The following SDK2 variants were observed in gnomAD, a reference collection of about 807,000 sequenced individuals.
SDK2 encodes sidekick cell adhesion molecule 2.
A neutral mutation model predicts 253.9 loss-of-function variants in SDK2; 105 were observed. That is an observed-to-expected ratio of 0.41 (90% CI 0.35 to 0.49). SDK2 has a LOEUF of 0.49. Among genes scored for constraint, SDK2 ranks in the 20% least tolerant of loss-of-function variants. The pLI is 0.06. For synonymous variants in SDK2, 1,249 were observed against 1,234.9 expected (o/e 1.01, Z -0.24); for missense variants, 2,608 against 3,003.0 (o/e 0.87, Z 3.07).
At chr17:73,590,909 ATTTG>A (rs2045672472) in intron 1 of SDK2, among the ~76,000 whole-genome samples, 1 of 151,876 alleles carries the variant, frequency 6.6e-6, no homozygotes, top group Admixed American at 6.6e-5. Flanking sequence ...TGAACTATTT[ATTTG>A]TTTATGTTTA....
At chr17:73,568,564 C>CA (rs774666643) in intron 1 of SDK2, among the ~76,000 whole-genome samples, 4 of 152,076 alleles carry the variant, frequency 2.6e-5, no homozygotes, top group Non-Finnish European at 2.9e-5. Flanking sequence ...AAAAAATACC[C>CA]ACCCTGAAGA....
In SDK2 at chr17:73,379,438, C is replaced by T. The variant is rs555332435; in HGVS notation, c.4864+10G>A. 71 of 1,590,396 alleles carry T rather than the reference C, an allele frequency of 4.5e-5. No homozygotes were observed. In the East Asian group the frequency reaches 4.9e-4, roughly 11 times the overall value. On this transcript the variant is annotated intron_variant, in intron 35 of 44. Transcript: ENST00000392650. This position sits in a 1 kb window ranked among gnomAD's most constrained non-coding sequence, Gnocchi z 4.5. ...GCATGCTGGGGCCGGACAGGGCGGG[C>T]GCTGCTCACCTGCCTCCCCAACAAA... is the stretch of plus-strand genomic sequence containing the variant.
chr17:73,610,493 G>C (rs142393650), intron 1 of SDK2, among the ~76,000 whole-genome samples: 2 of 152,178 alleles, frequency 1.3e-5, no homozygotes, highest in Non-Finnish European at 2.9e-5. Flanking sequence ...CATGCATGAC[G>C]CTTGGTATCT....
At chr17:73,433,114 C>CGCTATATGCATA (rs2063340711) in intron 10 of SDK2, among the ~76,000 whole-genome samples, 1 of 144,284 alleles carries the variant, frequency 6.9e-6, no homozygotes, top group Admixed American at 7.0e-5. Flanking sequence ...AGGACCCTCA[C>CGCTATATGCATA]ATGCACGCTA....
At position 73,620,715 on chromosome 17, in the gene SDK2, C is replaced by T. The variant is rs574228368; in HGVS notation, c.64+23310G>A. Reference sequence around the variant, plus strand: ...TGAAGTACTGCTACAAGCTTCAACACGGATGGACCTTGAAAACATTATGCT... The same window carrying T: ...TGAAGTACTGCTACAAGCTTCAACATGGATGGACCTTGAAAACATTATGCT... On this transcript the variant is annotated intron_variant, in intron 1 of 44. Transcript: ENST00000392650. Among the ~76,000 whole-genome samples, 29 of 152,310 alleles carry T rather than the reference C, an allele frequency of 1.9e-4. No individual in the cohort carries two copies. In the South Asian group the frequency reaches 4.4e-3, roughly 23 times the overall value.
chr17:73,607,632 G>T (rs539965337), intron 1 of SDK2, among the ~76,000 whole-genome samples: 1 of 152,242 alleles, frequency 6.6e-6, no homozygotes, highest in African/African-American at 2.4e-5. Context: ...GTCACCTGGG[G>T]TGCAGCATTG....
intron 38 of SDK2, among the ~76,000 whole-genome samples, chr17:73,363,993 C>G (rs1354814879): frequency 6.6e-6 from 1 of 151,942 alleles, no homozygotes; most frequent in Non-Finnish European, 1.5e-5. Flanking sequence ...CTAGGCTCAC[C>G]GAGAACTGCT....
chr17:73,453,705 C>T (rs2063504296), intron 4 of SDK2, among the ~76,000 whole-genome samples: 1 of 152,160 alleles, frequency 6.6e-6, no homozygotes, highest in African/African-American at 2.4e-5. Flanking sequence ...CGCAGCATAT[C>T]TGTGGCTGTG....
chr17:73,381,131 G>C (rs1049489024), intron 33 of SDK2, among the ~76,000 whole-genome samples, 181 bp from the exon 34 acceptor site: 1 of 152,212 alleles, frequency 6.6e-6, no homozygotes, highest in Non-Finnish European at 1.5e-5. Context: ...ACAGGGTTGT[G>C]GGGGCAGGGG....
chr17:73,419,110 T>C lies in SDK2; in HGVS notation c.2186+56A>G, dbSNP rs555092431. 8.8e-6 allele frequency: 14 copies of C among 1,583,074 alleles called. No individual in the cohort carries two copies. In the African/African-American group the frequency reaches 1.7e-4, roughly 20 times the overall value. On this transcript the variant is annotated intron_variant, in intron 16 of 44. Transcript: ENST00000392650. ...ACTGTTTTCCAGTCCACTCCCGATC[T>C]TCCCCCATGCCTTTCCCCTTGGGAC...
rs1599539853 is a variant in SDK2, at chr17:73,412,009, T to TCTAC, written c.2484+2634_2484+2635insGTAG. Among the ~76,000 whole-genome samples the TCTAC allele has an allele frequency of 1.5e-3, 181 of 118,732 alleles. 1 individual carries two copies. Among genetic ancestry groups the TCTAC allele is most frequent in the Admixed American group, 4.1e-3 (44 of 10,776 alleles). 77.9% of individuals were successfully genotyped at this position (118,732 alleles called of 152,430 possible). On this transcript the variant is annotated intron_variant, in intron 18 of 44. Coordinates refer to ENST00000392650, the MANE Select transcript of SDK2 (RefSeq NM_001144952.2). ...ACGTATATATATACACACATATATA[T>TCTAC]GTAGATATACGTATATGTATATATA...
In SDK2 at chr17:73,616,920, T is replaced by A. The variant is rs2046065223; in HGVS notation, c.64+27105A>T. Among the ~76,000 whole-genome samples the A allele has an allele frequency of 1.3e-5, 2 of 151,778 alleles. No individual in the cohort carries two copies. The highest frequency in any genetic ancestry group is 2.0e-4 in the East Asian group (1 of 5,102). The stretch of plus-strand genomic sequence containing the variant: ...AAAGTGGGCGGAGAGACAGCTCTCC[T>A]AGGGAGAGCGGAGGTCTAGAAAAGG... On this transcript the variant is annotated intron_variant, in intron 1 of 44. Transcript: ENST00000392650. The surrounding 1 kb of genome is among the most constrained non-coding windows in gnomAD (Gnocchi z 5.2).
intron 3 of SDK2, among the ~76,000 whole-genome samples, chr17:73,464,357 C>T (rs1205570270): frequency 6.6e-6 from 1 of 152,218 alleles, no homozygotes; most frequent in Non-Finnish European, 1.5e-5. Flanking sequence ...CACAAGCCCT[C>T]TTGCCTGCCA....
In SDK2 at chr17:73,473,298, G is replaced by A. The variant is rs143600164; in HGVS notation, c.225-1080C>T. On this transcript the variant is annotated intron_variant, in intron 2 of 44. Transcript: ENST00000392650. ...CAAGGAGGAGGCACGTCAGTGAGAG[G>A]AGCTTCTGACAGTGGGACAGGAGTG... is the stretch of plus-strand genomic sequence containing the variant. 2.0e-5 allele frequency among the ~76,000 whole-genome samples: 3 copies of A among 152,346 alleles called. No individual in the cohort carries two copies. In the East Asian group the frequency reaches 5.8e-4, roughly 29 times the overall value.
chr17:73,467,000 C>T (rs966955869), intron 3 of SDK2, among the ~76,000 whole-genome samples: 3 of 152,146 alleles, frequency 2.0e-5, no homozygotes, highest in Non-Finnish European at 4.4e-5. Flanking sequence ...GCACAAGGGC[C>T]ATGCCTGGCA....
chr17:73,581,867 A>T (rs2045539523), intron 1 of SDK2, among the ~76,000 whole-genome samples: 2 of 152,142 alleles, frequency 1.3e-5, no homozygotes, highest in African/African-American at 4.8e-5. Flanking sequence ...GAGCCACCTG[A>T]GGGTGGTGTG....
intron 4 of SDK2, among the ~76,000 whole-genome samples, chr17:73,453,122 C>T (rs775597327): frequency 6.6e-6 from 1 of 152,208 alleles, no homozygotes; most frequent in Non-Finnish European, 1.5e-5. Flanking sequence ...TATTTTCCTA[C>T]ATCTTGATTC....
intron 18 of SDK2, among the ~76,000 whole-genome samples, chr17:73,402,645 C>G (rs1158730444): frequency 2.0e-5 from 3 of 152,130 alleles, no homozygotes; most frequent in African/African-American, 7.2e-5. Context: ...ACTATGCTGT[C>G]CAGGCTGGAG....
At chr17:73,557,614 TATA>T (rs1460683905) in intron 1 of SDK2, among the ~76,000 whole-genome samples, 6 of 152,128 alleles carry the variant, frequency 3.9e-5, no homozygotes, top group Non-Finnish European at 8.8e-5. Context: ...GATAAAATAT[TATA>T]ATGTTTCCTT....
Sources: allele counts gnomAD v4.1 joint callset (sites outside exome capture counted in the v4.1 genomes callset), GRCh38; gene constraint gnomAD v4.1.1; non-coding constraint Gnocchi (gnomAD v3.1); transcripts MANE v1.5; gene names NCBI Gene and HGNC (gene_info 2026-07-23, HGNC 2026-07-21).